FRMD4A: variants seen among roughly 807,000 people sequenced by gnomAD.
The protein encoded by FRMD4A is FERM domain-containing protein 4A.
A neutral mutation model predicts 129.1 loss-of-function variants in FRMD4A; 29 were observed. That is an observed-to-expected ratio of 0.22 (90% CI 0.17 to 0.31). FRMD4A has a LOEUF of 0.31. Among genes scored for constraint, FRMD4A ranks in the 10% least tolerant of loss-of-function variants. FRMD4A has a pLI of 1.00. For missense variants in FRMD4A, 1,272 were observed against 1,375.8 expected (o/e 0.92, Z 1.19); for synonymous variants, 634 against 571.6 (o/e 1.11, Z -1.56).
chr10:13,765,771 T>C (rs1198501837), intron 6 of FRMD4A, among the ~76,000 whole-genome samples: 2 of 152,204 alleles, frequency 1.3e-5, no homozygotes, highest in African/African-American at 4.8e-5. Flanking sequence ...TGTAAATCAT[T>C]TAACAGTGTA....
intron 15 of FRMD4A, 183 bp downstream of exon 15, chr10:13,693,715 T>G: frequency 1.3e-6 from 1 of 765,660 alleles, no homozygotes; most frequent in Non-Finnish European, 2.2e-6. Context: ...TTCCACTATT[T>G]GATTCCTGGG....
chr10:13,678,218 G>A lies in FRMD4A; in HGVS notation c.1118-3174C>T, dbSNP rs117759402. Among the ~76,000 whole-genome samples, 987 of 152,228 alleles carry A rather than the reference G, an allele frequency of 6.5e-3. 1 individual carries two copies. Among genetic ancestry groups the A allele is most frequent in the Non-Finnish European group, 0.011 (753 of 68,012 alleles). ...GCAAGAAAGTCCTGGCAGACTAGAT[G>A]GCTCAAGAGCCCCTCTCTGTATCCG... On this transcript the variant is annotated intron_variant, in intron 15 of 24. Transcript: ENST00000357447.
intron 12 of FRMD4A, among the ~76,000 whole-genome samples, chr10:13,734,474 C>A (rs1476706736): frequency 6.6e-6 from 1 of 152,196 alleles, no homozygotes; most frequent in Non-Finnish European, 1.5e-5. Context: ...CAACTCCTCT[C>A]TTTTCACTTG....
At chr10:14,231,045 T>C (rs572431564) in intron 2 of FRMD4A, among the ~76,000 whole-genome samples, 1 of 152,324 alleles carries the variant, frequency 6.6e-6, no homozygotes, top group Admixed American at 6.5e-5. Context: ...AAGGTTGATT[T>C]CATGTCTTTG....
intron 2 of FRMD4A, among the ~76,000 whole-genome samples, chr10:13,942,547 G>A (rs776584293): frequency 5.9e-5 from 9 of 152,174 alleles, no homozygotes; most frequent in Non-Finnish European, 1.3e-4. Flanking sequence ...CCCTAGAAAA[G>A]GTACGAATGA....
rs565040358 is a variant in FRMD4A, at chr10:13,840,992, A to C, written c.111+17855T>G. ...GCATGGTGGTGCATGTCTGCCGTCCAAGCTACTAGGGAGGCTGAGGTGGGA... is the reference window on the plus strand; with the variant it reads ...GCATGGTGGTGCATGTCTGCCGTCCCAGCTACTAGGGAGGCTGAGGTGGGA... On this transcript the variant is annotated intron_variant, in intron 3 of 24. Transcript: ENST00000357447. Among the ~76,000 whole-genome samples the C allele has an allele frequency of 5.9e-5, 9 of 151,994 alleles. 1 individual carries two copies. In the South Asian group the frequency reaches 1.9e-3, roughly 32 times the overall value.
At position 14,078,894 on chromosome 10, in the gene FRMD4A, T is replaced by C. The variant is rs555427596; in HGVS notation, c.46-219982A>G. Among the ~76,000 whole-genome samples, 17 of 152,270 alleles carry C rather than the reference T, an allele frequency of 1.1e-4. No individual in the cohort carries two copies. The East Asian group carries it at 2.5e-3, about 22-fold the overall frequency. ...GTGTCTTCCGGCTGTGTGATGCTTG[T>C]GTTAAGGCTCCATATTCTGGAGGTG... is the stretch of plus-strand genomic sequence containing the variant. On this transcript the variant is annotated intron_variant, in intron 2 of 24. Coordinates refer to ENST00000357447, the MANE Select transcript of FRMD4A (RefSeq NM_018027.5).
chr10:13,799,691 G>T (rs1314412504), intron 4 of FRMD4A, among the ~76,000 whole-genome samples: 2 of 152,022 alleles, frequency 1.3e-5, no homozygotes, highest in African/African-American at 2.4e-5. Flanking sequence ...TCTCCTCCTT[G>T]GAACTGGAGA....
intron 2 of FRMD4A, among the ~76,000 whole-genome samples, chr10:14,048,787 CAG>C (rs1229674335): frequency 1.3e-5 from 2 of 151,522 alleles, no homozygotes; most frequent in African/African-American, 4.9e-5. Context: ...GCCTGGGTGA[CAG>C]AGCGAGACTC....
At chr10:14,190,836 T>C (rs1842294316) in intron 2 of FRMD4A, among the ~76,000 whole-genome samples, 1 of 152,142 alleles carries the variant, frequency 6.6e-6, no homozygotes, top group Non-Finnish European at 1.5e-5. Flanking sequence ...GATAAGCAGG[T>C]GACTGATGGA....
chr10:14,282,607 A>G (rs1339623984), intron 2 of FRMD4A, among the ~76,000 whole-genome samples: 1 of 130,826 alleles, frequency 7.6e-6, no homozygotes, highest in African/African-American at 3.0e-5. Flanking sequence ...ACGGGAGCCA[A>G]CCACACTCTG....
intron 2 of FRMD4A, among the ~76,000 whole-genome samples, chr10:14,075,204 T>G (rs1835515001): frequency 1.3e-5 from 2 of 152,146 alleles, no homozygotes; most frequent in Admixed American, 6.5e-5. Context: ...TGAAAAATGG[T>G]TTTTCCTTCC....
intron 2 of FRMD4A, among the ~76,000 whole-genome samples, chr10:14,175,690 A>G (rs1841697180): frequency 6.6e-6 from 1 of 151,766 alleles, no homozygotes. Flanking sequence ...ATGCCCAACT[A>G]ATTTTTAATT....
At chr10:13,811,651 T>G (rs1223893324) in intron 3 of FRMD4A, among the ~76,000 whole-genome samples, 1 of 151,816 alleles carries the variant, frequency 6.6e-6, no homozygotes, top group Non-Finnish European at 1.5e-5. Context: ...GATGTTTGTA[T>G]TGTTAACATG....
intron 9 of FRMD4A, among the ~76,000 whole-genome samples, chr10:13,745,970 A>G (rs902455243): frequency 6.6e-6 from 1 of 152,194 alleles, no homozygotes; most frequent in Non-Finnish European, 1.5e-5. Context: ...GACATTTGGA[A>G]GCTGATGCAT....
chr10:14,048,867 GAATA>G (rs1565211045), intron 2 of FRMD4A, among the ~76,000 whole-genome samples: 19 of 135,042 alleles, frequency 1.4e-4, no homozygotes, highest in Non-Finnish European at 2.5e-4. Flanking sequence ...GAATAGAATA[GAATA>G]GAATAGAATA....
At chr10:13,836,539 C>T (rs1448380449) in intron 3 of FRMD4A, among the ~76,000 whole-genome samples, 1 of 152,058 alleles carries the variant, frequency 6.6e-6, no homozygotes, top group Non-Finnish European at 1.5e-5. Context: ...ACCCGTTACC[C>T]CTAGTAGAGC....
At chr10:13,816,662 T>C (rs184753921) in intron 3 of FRMD4A, among the ~76,000 whole-genome samples, 59 of 152,352 alleles carry the variant, frequency 3.9e-4, no homozygotes, top group Middle Eastern at 6.8e-3. Flanking sequence ...AGAAAGTTGC[T>C]GGGCAAGCAG....
intron 2 of FRMD4A, among the ~76,000 whole-genome samples, chr10:13,947,043 C>A (rs1294840372): frequency 6.6e-6 from 1 of 152,108 alleles, no homozygotes; most frequent in African/African-American, 2.4e-5. Flanking sequence ...TATGTAAGGT[C>A]ATCACAGAAA....
Sources: gnomAD v4.1 joint callset for allele counts (sites outside exome capture counted in the v4.1 genomes callset) on GRCh38, gnomAD v4.1.1 for gene constraint, MANE v1.5 for transcripts, NCBI Gene and HGNC (gene_info 2026-07-23, HGNC 2026-07-21) for gene names.